The following HMGN5 variants were observed in gnomAD, a reference collection of about 807,000 sequenced individuals.
HMGN5 encodes the protein high mobility group nucleosome binding domain 5.
HMGN5 carries 4 observed loss-of-function variants against 9.5 expected under a neutral mutation model. The ratio of observed to expected loss-of-function variants is 0.42; its 90% confidence interval spans 0.21 to 0.96. The LOEUF (loss-of-function observed/expected upper bound fraction) is 0.96. Among genes scored for constraint, HMGN5 ranks in the 40% least tolerant of loss-of-function variants. HMGN5 has a pLI of 0.30. For missense variants in HMGN5, 192 were observed against 187.5 expected (o/e 1.02, Z -0.14); for synonymous variants, 55 against 57.1 (o/e 0.96, Z 0.16).
chrX:81,194,132 A>AACTTGAC (rs1190746584), intron 1 of HMGN5, among the ~76,000 whole-genome samples: 40 of 111,762 alleles, frequency 3.6e-4, no homozygotes, highest in Non-Finnish European at 1.1e-4. Flanking sequence ...AAAAAAATTA[A>AACTTGAC]ACTTGACATA....
chrX:81,199,272 A>G lies in HMGN5; in HGVS notation c.-124+2465T>C, dbSNP rs776782159. Among the ~76,000 whole-genome samples, 5 of 112,334 alleles carry G rather than the reference A, an allele frequency of 4.5e-5. No homozygotes were observed. The South Asian group carries it at 1.9e-3, about 42-fold the overall frequency. On this transcript the variant is annotated intron_variant, in intron 1 of 6. Transcript: ENST00000358130. ...GAACATTCCGTGCTCATGGATAGGAAGAATCAATATCGTGAAAATGGCCAT... is the reference window on the plus strand; with the variant it reads ...GAACATTCCGTGCTCATGGATAGGAGGAATCAATATCGTGAAAATGGCCAT...
At chrX:81,200,490 A>T (rs984893472) in intron 1 of HMGN5, among the ~76,000 whole-genome samples, 1 of 112,428 alleles carries the variant, frequency 8.9e-6, no homozygotes, top group African/African-American at 3.2e-5. Context: ...GGATTAAGAA[A>T]ATGTGGCACA....
At chrX:81,116,527 A>C (rs913775554) in intron 5 of HMGN5, among the ~76,000 whole-genome samples, 186 bp from the exon 6 acceptor site, 1 of 112,356 alleles carries the variant, frequency 8.9e-6, no homozygotes. Context: ...GTAAGCCTAA[A>C]GCAGGATTAA....
intron 1 of HMGN5, among the ~76,000 whole-genome samples, chrX:81,146,760 T>C (rs1042857874): frequency 4.5e-5 from 5 of 110,807 alleles, no homozygotes; most frequent in African/African-American, 6.6e-5. Flanking sequence ...GTCAGACTAA[T>C]AAAGAAGAAA....
intron 1 of HMGN5, among the ~76,000 whole-genome samples, chrX:81,148,335 C>T (rs1433047829): frequency 8.9e-5 from 10 of 111,998 alleles, no homozygotes; most frequent in Non-Finnish European, 1.7e-4. Context: ...CACACACCTA[C>T]AACCATCTGA....
At chrX:81,168,470 A>C (rs1480132783) in intron 1 of HMGN5, among the ~76,000 whole-genome samples, 2 of 111,551 alleles carry the variant, frequency 1.8e-5, no homozygotes, top group Non-Finnish European at 3.8e-5. Context: ...TGGATTGGCT[A>C]TTGAGAATGG....
chrX:81,186,880 A>G (rs1179725331), intron 1 of HMGN5, among the ~76,000 whole-genome samples: 1 of 110,819 alleles, frequency 9.0e-6, no homozygotes, highest in Non-Finnish European at 1.9e-5. Context: ...TATCTCATAG[A>G]TTTCGGTATG....
intron 1 of HMGN5, among the ~76,000 whole-genome samples, chrX:81,181,261 C>G (rs1057205042): frequency 1.4e-4 from 16 of 111,096 alleles, no homozygotes; most frequent in Non-Finnish European, 2.8e-4. Flanking sequence ...AAACCTTATT[C>G]ATTATTAATT....
intron 1 of HMGN5, among the ~76,000 whole-genome samples, chrX:81,189,398 C>T (rs372450203): frequency 1.8e-5 from 2 of 111,451 alleles, no homozygotes; most frequent in Non-Finnish European, 1.9e-5. Context: ...CTCTACCTAC[C>T]CCCAGCCCCT....
At chrX:81,181,351 A>G in intron 1 of HMGN5, among the ~76,000 whole-genome samples, 1 of 110,894 alleles carries the variant, frequency 9.0e-6, no homozygotes, top group East Asian at 2.8e-4. Context: ...GCATATATTT[A>G]TCGGTTACGT....
chrX:81,156,874 C>T (rs776061550), intron 1 of HMGN5, among the ~76,000 whole-genome samples: 1 of 110,900 alleles, frequency 9.0e-6, no homozygotes, highest in East Asian at 2.8e-4. Flanking sequence ...CCTGAATAAC[C>T]TGTGGGCACT....
At chrX:81,128,211 T>C (rs903592865) in intron 1 of HMGN5, among the ~76,000 whole-genome samples, 1 of 111,411 alleles carries the variant, frequency 9.0e-6, no homozygotes, top group Admixed American at 9.6e-5. Flanking sequence ...ATAGCTGACA[T>C]GCTTCAATCA....
intron 1 of HMGN5, among the ~76,000 whole-genome samples, chrX:81,131,387 G>C (rs1310769954): frequency 9.0e-6 from 1 of 111,443 alleles, no homozygotes; most frequent in African/African-American, 3.3e-5. Context: ...CTACAGAGAA[G>C]TGGAACACTG....
chrX:81,177,030 G>C (rs1053055872), intron 1 of HMGN5, among the ~76,000 whole-genome samples: 3 of 109,633 alleles, frequency 2.7e-5, no homozygotes, highest in African/African-American at 1.0e-4. Context: ...AAATGATAAG[G>C]GTAGCCAGGG....
At chrX:81,143,881 T>C (rs910305400) in intron 1 of HMGN5, among the ~76,000 whole-genome samples, 1 of 112,016 alleles carries the variant, frequency 8.9e-6, no homozygotes, top group Non-Finnish European at 1.9e-5. Context: ...CAAAGCCACA[T>C]GGAAGTTTGA....
At chrX:81,140,782 G>A (rs1251443949) in intron 1 of HMGN5, among the ~76,000 whole-genome samples, 1 of 110,550 alleles carries the variant, frequency 9.0e-6, no homozygotes, top group Non-Finnish European at 1.9e-5. Flanking sequence ...AAAGCAGATG[G>A]AAAAGTAAAG....
chrX:81,169,289 G>A (rs970599170), intron 1 of HMGN5, among the ~76,000 whole-genome samples: 1 of 111,725 alleles, frequency 9.0e-6, no homozygotes, highest in African/African-American at 3.3e-5. Flanking sequence ...CCCAGATAAA[G>A]GGCTGCTTAT....
intron 1 of HMGN5, among the ~76,000 whole-genome samples, chrX:81,147,588 C>T (rs771705396): frequency 2.7e-5 from 3 of 111,617 alleles, no homozygotes; most frequent in Non-Finnish European, 5.6e-5. Context: ...AGGATGCCCT[C>T]TCTCACCACT....
intron 1 of HMGN5, among the ~76,000 whole-genome samples, chrX:81,160,408 G>C (rs2075395134): frequency 9.0e-6 from 1 of 110,634 alleles, no homozygotes; most frequent in Non-Finnish European, 1.9e-5. Context: ...GGATGTGTAG[G>C]TTTGTTGCAT....
Sources: gnomAD v4.1 joint callset for allele counts (sites outside exome capture counted in the v4.1 genomes callset) on GRCh38, gnomAD v4.1.1 for gene constraint, MANE v1.5 for transcripts, NCBI Gene and HGNC (gene_info 2026-07-23, HGNC 2026-07-21) for gene names.